SMARCC1: variants seen among roughly 807,000 people sequenced by gnomAD.
The protein encoded by SMARCC1 is SWI/SNF related BAF chromatin remodeling complex subunit C1.
SMARCC1 carries 43 observed loss-of-function variants against 147.4 expected under a neutral mutation model. The ratio of observed to expected loss-of-function variants is 0.29; its 90% CI spans 0.23 to 0.38. SMARCC1 has a LOEUF of 0.38. Ranked by LOEUF, SMARCC1 falls within the 10% of genes least tolerant of loss-of-function variation. SMARCC1 has a pLI of 1.00. For synonymous variants in SMARCC1, 495 were observed against 484.4 expected (o/e 1.02, Z -0.29); for missense variants, 1,119 against 1,381.1 (o/e 0.81, Z 3.01).
At chr3:47,633,186 C>T (rs1209501917) in intron 24 of SMARCC1, among the ~76,000 whole-genome samples, 1 of 152,126 alleles carries the variant, frequency 6.6e-6, no homozygotes, top group Non-Finnish European at 1.5e-5. Flanking sequence ...GTGAGTTATA[C>T]TTAAGAACAA....
At chr3:47,702,542 G>C (rs1309869983) in intron 10 of SMARCC1, among the ~76,000 whole-genome samples, 1 of 152,156 alleles carries the variant, frequency 6.6e-6, no homozygotes, top group African/African-American at 2.4e-5. Context: ...AATTGCTCGA[G>C]GCCAGGAGTT....
At chr3:47,681,488 A>G (rs1209651215) in intron 14 of SMARCC1, among the ~76,000 whole-genome samples, 2 of 152,222 alleles carry the variant, frequency 1.3e-5, no homozygotes, top group Non-Finnish European at 2.9e-5. Flanking sequence ...CAGGCCTAAC[A>G]GTAAAAAAAG....
chr3:47,659,882 T>C (rs1465551952), intron 21 of SMARCC1, among the ~76,000 whole-genome samples: 1 of 150,172 alleles, frequency 6.7e-6, no homozygotes, highest in Non-Finnish European at 1.5e-5. Flanking sequence ...ATCAAACCAC[T>C]AGATTGGCTA....
intron 19 of SMARCC1, among the ~76,000 whole-genome samples, chr3:47,666,563 T>C (rs964029246): frequency 4.1e-5 from 6 of 144,652 alleles, no homozygotes; most frequent in Non-Finnish European, 7.5e-5. Context: ...CTCTCAAATG[T>C]AAAAAGGCAG....
chr3:47,682,755 TTAA>T (rs1346643781), intron 14 of SMARCC1, among the ~76,000 whole-genome samples: 2 of 152,222 alleles, frequency 1.3e-5, no homozygotes, highest in Admixed American at 1.3e-4. Context: ...ATGTCATATA[TTAA>T]TAATTGTTTA....
At chr3:47,723,025 G>T (rs901061505) in intron 6 of SMARCC1, among the ~76,000 whole-genome samples, 1 of 152,126 alleles carries the variant, frequency 6.6e-6, no homozygotes, top group Non-Finnish European at 1.5e-5. Context: ...ACCTCGCCCT[G>T]GAATGATTTA....
At chr3:47,642,563 C>A (rs1159312768) in intron 21 of SMARCC1, among the ~76,000 whole-genome samples, 1 of 151,712 alleles carries the variant, frequency 6.6e-6, no homozygotes, top group Admixed American at 6.6e-5. Flanking sequence ...GCACTCCAGC[C>A]TGGGCAAAAG....
At chr3:47,691,870 C>T (rs1198377589) in intron 12 of SMARCC1, among the ~76,000 whole-genome samples, 3 of 151,766 alleles carry the variant, frequency 2.0e-5, no homozygotes, top group South Asian at 4.3e-4. Context: ...CGTGGTGGCA[C>T]GTGCCTGTAG....
chr3:47,711,367 C>T (rs954509047), intron 8 of SMARCC1, among the ~76,000 whole-genome samples: 5 of 152,054 alleles, frequency 3.3e-5, no homozygotes, highest in Non-Finnish European at 5.9e-5. Context: ...GTTGTGTGGA[C>T]GTACAAATGT....
chr3:47,704,305 T>C (rs556374672), intron 10 of SMARCC1, among the ~76,000 whole-genome samples: 6 of 152,298 alleles, frequency 3.9e-5, no homozygotes, highest in African/African-American at 1.2e-4. Flanking sequence ...CAAAATATTT[T>C]CTAAGTATAT....
intron 3 of SMARCC1, among the ~76,000 whole-genome samples, chr3:47,738,664 C>CA (rs1210054532): frequency 6.6e-6 from 1 of 150,566 alleles, no homozygotes; most frequent in Non-Finnish European, 1.5e-5. Flanking sequence ...AGCCTGGTGA[C>CA]AGAGCAAGAC....
At chr3:47,780,138 T>C (rs2035025917) in intron 1 of SMARCC1, among the ~76,000 whole-genome samples, 1 of 150,308 alleles carries the variant, frequency 6.7e-6, no homozygotes, top group Non-Finnish European at 1.5e-5. Flanking sequence ...AAGAAAGAAA[T>C]GATCATTTCT....
At chr3:47,686,241 C>A (rs544146391) in intron 13 of SMARCC1, 71 bp from the exon 14 acceptor site, 31 of 1,213,284 alleles carry the variant, frequency 2.6e-5, no homozygotes, top group Admixed American at 2.2e-5. Context: ...ATCTCTTACA[C>A]TTCAGTTGTT....
chr3:47,664,593 T>C (rs2033398855), intron 19 of SMARCC1, among the ~76,000 whole-genome samples: 1 of 152,190 alleles, frequency 6.6e-6, no homozygotes, highest in Non-Finnish European at 1.5e-5. Flanking sequence ...CACAACTATG[T>C]GGTGCTAAGA....
chr3:47,651,986 G>A (rs141926790), intron 21 of SMARCC1, among the ~76,000 whole-genome samples: 2 of 152,178 alleles, frequency 1.3e-5, no homozygotes, highest in East Asian at 1.9e-4. Context: ...AAGGTTTTTG[G>A]TTTTTATTTG....
intron 21 of SMARCC1, among the ~76,000 whole-genome samples, chr3:47,654,974 G>C (rs2106726752): frequency 6.6e-6 from 1 of 152,318 alleles, no homozygotes; most frequent in East Asian, 1.9e-4. Context: ...AGGGATAAGA[G>C]GCTTCATTAA....
intron 12 of SMARCC1, among the ~76,000 whole-genome samples, chr3:47,692,797 C>T (rs920558884): frequency 2.0e-5 from 3 of 151,964 alleles, no homozygotes; most frequent in African/African-American, 4.8e-5. Context: ...CCGAGACAGG[C>T]GGATCATGAG....
chr3:47,673,407 G>GGC lies in SMARCC1; in HGVS notation c.1839+2067_1839+2068insGC, dbSNP rs2033529590. 1.6e-5 allele frequency among the ~76,000 whole-genome samples: 2 copies of GGC among 121,502 alleles called. 1 individual carries two copies. The highest frequency in any genetic ancestry group is 3.6e-5 in the Non-Finnish European group (2 of 54,862). The allele number at this position is 121,502 out of a possible 152,430, so 79.7% of individuals were successfully genotyped here. A position where few individuals can be genotyped will look rare whatever the true frequency, so the allele number is the denominator to read the frequency against. On this transcript the variant is annotated intron_variant, in intron 18 of 27. Coordinates refer to ENST00000254480, the MANE Select transcript of SMARCC1 (RefSeq NM_003074.4). ...TCTCAAAAAAAAAAGGGTGGGGGGG[G>GGC]GGCAGGCCAGTGGCTCAGGCCTGTA...
chr3:47,730,999 G>C (rs1193291947), intron 5 of SMARCC1, among the ~76,000 whole-genome samples: 2 of 152,152 alleles, frequency 1.3e-5, no homozygotes, highest in African/African-American at 4.8e-5. Flanking sequence ...TAAGGTGGCT[G>C]TGGCAATTTC....
Sources: allele counts gnomAD v4.1 joint callset (sites outside exome capture counted in the v4.1 genomes callset), GRCh38; gene constraint gnomAD v4.1.1; transcripts MANE v1.5; gene names NCBI Gene and HGNC (gene_info 2026-07-23, HGNC 2026-07-21).